Variants in ECPAS observed in about 807,000 individuals in gnomAD.
The protein encoded by ECPAS is Ecm29 proteasome adaptor and scaffold, also known as proteasome adapter and scaffold protein ECM29.
A neutral mutation model predicts 255.1 loss-of-function variants in ECPAS; 70 were observed. That is an observed-to-expected ratio of 0.27 (90% confidence interval 0.23 to 0.33). The LOEUF (loss-of-function observed/expected upper bound fraction) is 0.33, where lower values mean the gene tolerates loss of function less well. Ranked by LOEUF, ECPAS falls within the 10% of genes least tolerant of loss-of-function variation. The pLI is 1.00. For missense variants in ECPAS, 1,817 were observed against 2,206.4 expected (o/e 0.82, Z 3.54); for synonymous variants, 784 against 775.0 (o/e 1.01, Z -0.19).
At position 111,372,435 on chromosome 9, in the gene ECPAS, C is replaced by T. The variant is rs200488483; in HGVS notation, c.4522G>A (p.Val1508Ile). 3.3e-5 allele frequency: 53 copies of T among 1,613,250 alleles called. 1 individual carries two copies. The highest frequency in any genetic ancestry group is 2.4e-4 in the South Asian group (22 of 91,008). Residue 1508 changes from valine (V) to isoleucine (I), a missense_variant, in exon 42 of 50, where the codon GTA becomes ATA. Transcript: ENST00000684092. ...NLWTEVWQEN[V>I]PGSFGGIRLY... ...CTCAGGCCACACTACTAACCAGGTA[C>T]GTTTTCCTGCCACACTTCGGTCCAT...
intron 2 of ECPAS, among the ~76,000 whole-genome samples, chr9:111,456,484 A>T (rs2131991855): frequency 6.6e-6 from 1 of 152,340 alleles, no homozygotes; most frequent in East Asian, 1.9e-4. Context: ...CATACTGTAC[A>T]TACTACACCT....
In ECPAS at chr9:111,484,181, G is replaced by A. The variant is rs1335722404; in HGVS notation, c.-148C>T. 19 of 1,484,392 alleles carry A rather than the reference G, an allele frequency of 1.3e-5. No homozygotes were observed. Among genetic ancestry groups the A allele is most frequent in the Non-Finnish European group, 1.6e-5 (18 of 1,120,012 alleles). The allele number at this position is 1,484,392 out of a possible 1,614,324, so 92.0% of individuals were successfully genotyped here. Reference sequence around the variant, plus strand: ...GGCGCCGCGAGGTGAGGGCTGTAGAGCGAGGCGTTCGGCGGGCCGGGCCCC... The same window carrying A: ...GGCGCCGCGAGGTGAGGGCTGTAGAACGAGGCGTTCGGCGGGCCGGGCCCC... On this transcript the variant is annotated 5_prime_UTR_variant, in exon 1 of 50. Transcript: ENST00000684092.
chr9:111,387,992 A>G (rs2098152949), intron 31 of ECPAS, among the ~76,000 whole-genome samples: 1 of 152,200 alleles, frequency 6.6e-6, no homozygotes, highest in African/African-American at 2.4e-5. Context: ...GACTGTTCAG[A>G]ATGAAAGATG....
At chr9:111,396,782 C>A (rs1275156371) in intron 25 of ECPAS, among the ~76,000 whole-genome samples, 1 of 152,068 alleles carries the variant, frequency 6.6e-6, no homozygotes, top group Non-Finnish European at 1.5e-5. Context: ...TAACTCCTGA[C>A]CTCAGGTGAT....
intron 3 of ECPAS, among the ~76,000 whole-genome samples, chr9:111,446,383 C>T (rs578226255): frequency 6.6e-6 from 1 of 152,292 alleles, no homozygotes; most frequent in East Asian, 1.9e-4. Flanking sequence ...CTAAGAAAGA[C>T]TCAAGAATTT....
chr9:111,415,775 G>A (rs2098202583), intron 18 of ECPAS, among the ~76,000 whole-genome samples: 1 of 151,478 alleles, frequency 6.6e-6, no homozygotes, highest in African/African-American at 2.4e-5. Context: ...TCCATCCTCT[G>A]GAAGCTTTTT....
At chr9:111,388,978 CA>C (rs2098155026) in intron 31 of ECPAS, among the ~76,000 whole-genome samples, 1 of 152,190 alleles carries the variant, frequency 6.6e-6, no homozygotes, top group Non-Finnish European at 1.5e-5. Flanking sequence ...GTCTAAAGTG[CA>C]AGTGACATCT....
chr9:111,402,360 A>C (rs575212117), intron 24 of ECPAS, among the ~76,000 whole-genome samples: 93 of 152,248 alleles, frequency 6.1e-4, no homozygotes, highest in Non-Finnish European at 1.1e-3. Context: ...ACAGTTCTTC[A>C]ATCTGAAAGA....
At chr9:111,400,385 C>T (rs1029797500) in intron 24 of ECPAS, among the ~76,000 whole-genome samples, 1 of 152,200 alleles carries the variant, frequency 6.6e-6, no homozygotes, top group African/African-American at 2.4e-5. Context: ...GCATCGAGGA[C>T]ATTTGAGAAA....
In ECPAS at chr9:111,466,782, A is replaced by G. The variant is rs554949970; in HGVS notation, c.22+6115T>C. ...TGGAAGTAGCTAGAATCACAGACAT[A>G]TGCCACTGCACCCAGCTAGTTGTTT... On this transcript the variant is annotated intron_variant, in intron 2 of 49. Transcript: ENST00000684092. 3.3e-5 allele frequency among the ~76,000 whole-genome samples: 5 copies of G among 152,232 alleles called. No homozygotes were observed. In the South Asian group the frequency reaches 1.0e-3, roughly 32 times the overall value.
chr9:111,422,095 T>C (rs1027467473), intron 14 of ECPAS, 39 bp downstream of exon 14: 1 of 1,613,618 alleles, frequency 6.2e-7, no homozygotes, highest in Non-Finnish European at 8.5e-7. Flanking sequence ...CAGGGGAACA[T>C]CCAAACACAA....
intron 2 of ECPAS, among the ~76,000 whole-genome samples, chr9:111,454,213 A>C (rs1056938752): frequency 5.3e-5 from 8 of 151,248 alleles, no homozygotes; most frequent in Non-Finnish European, 8.8e-5. Context: ...GAAACTGTAA[A>C]AGAAGTGTTC....
intron 2 of ECPAS, among the ~76,000 whole-genome samples, chr9:111,457,177 G>C (rs2098267943): frequency 6.6e-6 from 1 of 152,142 alleles, no homozygotes; most frequent in African/African-American, 2.4e-5. Context: ...CAATGAAGTG[G>C]TAGAGAAAAA....
chr9:111,448,319 A>T (rs7047751), intron 3 of ECPAS, among the ~76,000 whole-genome samples: 44,814 of 152,018 alleles, frequency 0.29, 8,048 homozygotes, highest in Non-Finnish European at 0.42. Context: ...AGGCTGGGGC[A>T]AATATTTTAT....
intron 25 of ECPAS, among the ~76,000 whole-genome samples, chr9:111,396,264 T>C (rs1033218889): frequency 5.9e-5 from 9 of 152,108 alleles, no homozygotes; most frequent in African/African-American, 2.2e-4. Context: ...CACAACAAAC[T>C]TGAAATCATA....
In ECPAS at chr9:111,417,978, G is replaced by T; in HGVS notation, c.1588C>A (p.Arg530Ser). Reference protein sequence around the residue: ...PREEVHGEAQRVLRCLPGRNR... With the variant: ...PREEVHGEAQSVLRCLPGRNR... ...CTACCTGGAAGACACCTTAATACGC[G>T]TTGTGCTTCTCCATGAACTTCTTCA... The change falls in exon 17 of 50, where the codon CGC becomes AGC. Residue 530 changes from arginine to serine, a missense_variant. This residue lies in a region of ECPAS where 573 missense variants were observed against 716.2 expected (regional missense o/e 0.80). Transcript: ENST00000684092. 6.2e-7 allele frequency: 1 copy of T among 1,605,554 alleles called. No individual in the cohort carries two copies. The highest frequency in any genetic ancestry group is 8.5e-7 in the Non-Finnish European group (1 of 1,176,424).
rs1472607644 is a variant in ECPAS at position 111,425,889 on chromosome 9, ATAG to A, written c.1051-64_1051-62del. 2.0e-5 allele frequency: 17 copies of A among 830,262 alleles called. No individual in the cohort carries two copies. The Admixed American group carries it at 2.9e-4, about 14-fold the overall frequency. The allele number at this position is 830,262 out of a possible 1,614,324, so 51.4% of individuals were successfully genotyped here. On this transcript the variant is annotated intron_variant, in intron 10 of 49. Transcript: ENST00000684092. The stretch of plus-strand genomic sequence containing the variant: ...AAAAATAAGAATTTAATATTTTTGA[ATAG>A]TAATCAGAATTCAGCAGCAGACCTT...
intron 34 of ECPAS, among the ~76,000 whole-genome samples, chr9:111,384,281 T>G (rs2098144362): frequency 6.6e-6 from 1 of 152,116 alleles, no homozygotes; most frequent in Admixed American, 6.5e-5. Flanking sequence ...CTCTTCAGGG[T>G]TAAGTCGAAG....
chr9:111,423,782 T>C (rs2131807967), intron 12 of ECPAS, among the ~76,000 whole-genome samples: 1 of 152,326 alleles, frequency 6.6e-6, no homozygotes, highest in Non-Finnish European at 1.5e-5. Flanking sequence ...AATCACCAGG[T>C]GAATTAGTGA....
Sources: allele counts gnomAD v4.1 joint callset (sites outside exome capture counted in the v4.1 genomes callset), GRCh38; gene constraint gnomAD v4.1.1; regional missense constraint gnomAD v4.1.1; transcripts MANE v1.5; gene names NCBI Gene and HGNC (gene_info 2026-07-23, HGNC 2026-07-21).